Variants in ORC5 observed in about 807,000 individuals in gnomAD.
ORC5 encodes protein phosphatase 1, regulatory subunit 117.
Under a neutral mutation model 58.8 loss-of-function variants are expected in ORC5, and 39 were observed. The observed-to-expected ratio is 0.66, with a 90% CI of 0.51 to 0.87. The LOEUF (loss-of-function observed/expected upper bound fraction) is 0.87. ORC5 is among the 40% of genes least tolerant of loss of function. ORC5 has a pLI of 0.00. For synonymous variants in ORC5, 218 were observed against 177.6 expected (o/e 1.23, Z -1.81); for missense variants, 493 against 506.3 (o/e 0.97, Z 0.25).
At chr7:104,186,173 CAT>C (rs1186983465) in intron 6 of ORC5, among the ~76,000 whole-genome samples, 1 of 151,152 alleles carries the variant, frequency 6.6e-6, no homozygotes, top group Admixed American at 6.6e-5. Context: ...CCTTGAACGA[CAT>C]AGGTTTGAAC....
Position 104,195,149 on chromosome 7 carries a change from T to C in ORC5, c.547A>G (p.Ser183Gly). 4 of 1,531,056 alleles carry C rather than the reference T, an allele frequency of 2.6e-6. No individual in the cohort carries two copies. The highest frequency in any genetic ancestry group is 2.5e-5 in the South Asian group (2 of 79,750). 94.8% of individuals were successfully genotyped at this position (1,531,056 alleles called of 1,614,324 possible). ...EPFVLYFPDY[S>G]IGNLQKILSH... ...ACAATGTTTTAAGGTTTACCTATGC[T>C]GTAATCAGGGAAATATAAGACAAAC... The change falls in exon 5 of 14, where the codon AGC becomes GGC. Residue 183 changes from serine (S) to glycine (G), a missense_variant. By Grantham distance (56) the Ser-to-Gly change is moderately conservative. Transcript: ENST00000297431.
chr7:104,139,671 T>A (rs17324209), intron 12 of ORC5, among the ~76,000 whole-genome samples: 25,833 of 152,014 alleles, frequency 0.17, 2,598 homozygotes, highest in Non-Finnish European at 0.22. Flanking sequence ...GCTAAGACTT[T>A]AATTTCTAAT....
intron 6 of ORC5, among the ~76,000 whole-genome samples, chr7:104,186,796 C>G (rs552562993): frequency 6.0e-4 from 92 of 152,182 alleles, no homozygotes; most frequent in African/African-American, 2.1e-3. Context: ...CTATTTTTCT[C>G]TAATGTTTAA....
chr7:104,150,909 G>C (rs1294973521), intron 12 of ORC5, among the ~76,000 whole-genome samples: 4 of 152,168 alleles, frequency 2.6e-5, no homozygotes, highest in Non-Finnish European at 5.9e-5. Context: ...ATAATTATCT[G>C]ACTATAGAGA....
At chr7:104,131,367 C>G (rs1203103040) in intron 13 of ORC5, among the ~76,000 whole-genome samples, 1 of 152,180 alleles carries the variant, frequency 6.6e-6, no homozygotes, top group Admixed American at 6.5e-5. Context: ...ACAGCTCTTG[C>G]AACTCAAATT....
rs772416964 is a variant in ORC5, at chr7:104,126,799, G to A, written c.*49C>T. The A allele has an allele frequency of 5.6e-6, 8 of 1,419,912 alleles. No homozygotes were observed. The highest frequency in any genetic ancestry group is 7.9e-6 in the Non-Finnish European group (8 of 1,014,050). 88.0% of individuals were successfully genotyped at this position (1,419,912 alleles called of 1,614,324 possible). On this transcript the variant is annotated 3_prime_UTR_variant, in exon 14 of 14. Coordinates refer to ENST00000297431, the MANE Select transcript of ORC5 (RefSeq NM_002553.4). ...CCAGCTAAGTAGCTGGATGAACACA[G>A]CTTGGCTTAGTCATTGTCACAGTGT...
intron 9 of ORC5, chr7:104,168,209 A>G (rs1799140141): frequency 1.1e-6 from 1 of 922,340 alleles, no homozygotes; most frequent in Non-Finnish European, 1.4e-6. Flanking sequence ...AAAAGCATTT[A>G]AAGAAATAGA....
At chr7:104,137,973 G>A (rs1298954642) in intron 12 of ORC5, among the ~76,000 whole-genome samples, 2 of 152,156 alleles carry the variant, frequency 1.3e-5, no homozygotes, top group African/African-American at 2.4e-5. Context: ...AAAACTAAAA[G>A]AGCACACTGT....
At chr7:104,143,242 C>G (rs1014667756) in intron 12 of ORC5, among the ~76,000 whole-genome samples, 8 of 152,036 alleles carry the variant, frequency 5.3e-5, no homozygotes, top group African/African-American at 1.9e-4. Flanking sequence ...CTGATACTTT[C>G]CTGTTAATTC....
rs548956143 is a variant in ORC5, at chr7:104,132,948, A to C, written c.1262+3833T>G. ...CAGTTAGCTAGGTGAAGGAGAAAAG[A>C]AGCTGGAAAATGCTGTATATACAAG... is the stretch of plus-strand genomic sequence containing the variant. On this transcript the variant is annotated intron_variant, in intron 13 of 13. Coordinates refer to ENST00000297431, the MANE Select transcript of ORC5 (RefSeq NM_002553.4). Among the ~76,000 whole-genome samples the C allele has an allele frequency of 3.3e-5, 5 of 152,256 alleles. No homozygotes were observed. In the South Asian group the frequency reaches 1.0e-3, roughly 32 times the overall value.
intron 6 of ORC5, among the ~76,000 whole-genome samples, chr7:104,186,037 G>A (rs772982823): frequency 1.2e-4 from 18 of 152,006 alleles, no homozygotes; most frequent in Middle Eastern, 6.8e-3. Context: ...GAAATTATTC[G>A]CTTTAGCCAA....
Position 104,208,000 on chromosome 7 carries a change from C to A in ORC5, c.-96G>T, listed in dbSNP as rs917858352. 1.7e-6 allele frequency: 2 copies of A among 1,190,834 alleles called. No individual in the cohort carries two copies. The highest frequency in any genetic ancestry group is 3.1e-5 in the African/African-American group (2 of 65,490). The allele number at this position is 1,190,834 out of a possible 1,614,324, so 73.8% of individuals were successfully genotyped here. On this transcript the variant is annotated 5_prime_UTR_variant, in exon 1 of 14. Transcript: ENST00000297431. ...CGAGTCTGGCGGCCCACGCTCCCGC[C>A]GGAAACCGGACCCGCAGCGTCGTGG...
chr7:104,145,786 T>G (rs1177741837), intron 12 of ORC5, among the ~76,000 whole-genome samples: 24 of 152,052 alleles, frequency 1.6e-4, no homozygotes, highest in Admixed American at 1.4e-3. Context: ...GTGCGAGTCT[T>G]AGAATTCCCC....
At chr7:104,161,255 C>T (rs1799017376) in intron 11 of ORC5, 73 bp from the exon 12 acceptor site, 1 of 781,344 alleles carries the variant, frequency 1.3e-6, no homozygotes, top group South Asian at 1.5e-5. Context: ...TACAAAACTG[C>T]CAGTAACAAT....
At chr7:104,147,923 T>C (rs1307251139) in intron 12 of ORC5, among the ~76,000 whole-genome samples, 1 of 152,318 alleles carries the variant, frequency 6.6e-6, no homozygotes, top group East Asian at 1.9e-4. Context: ...TCTTTCAAAA[T>C]TCCTGAGAAT....
chr7:104,168,618 T>C (rs1315104247), intron 8 of ORC5, 93 bp from the exon 9 acceptor site: 1 of 623,064 alleles, frequency 1.6e-6, no homozygotes, highest in Non-Finnish European at 2.6e-6. Flanking sequence ...TAAATTTTTT[T>C]ATTTATTAAC....
chr7:104,184,390 G>A, intron 6 of ORC5: 1 of 514,062 alleles, frequency 1.9e-6, no homozygotes, highest in South Asian at 2.6e-5. Flanking sequence ...CAAGCCTGTA[G>A]TGTGCTGTGA....
intron 13 of ORC5, among the ~76,000 whole-genome samples, chr7:104,127,747 T>C (rs1479007577): frequency 1.3e-5 from 2 of 152,218 alleles, no homozygotes; most frequent in African/African-American, 2.4e-5. Flanking sequence ...TGCAATATAC[T>C]TTCTAAAAAA....
intron 12 of ORC5, among the ~76,000 whole-genome samples, chr7:104,146,753 C>A (rs1798758854): frequency 6.6e-6 from 1 of 152,094 alleles, no homozygotes. Flanking sequence ...AAACTATGCA[C>A]AGGATAAAAT....
Sources: allele counts gnomAD v4.1 joint callset (sites outside exome capture counted in the v4.1 genomes callset), GRCh38; gene constraint gnomAD v4.1.1; transcripts MANE v1.5; gene names NCBI Gene and HGNC (gene_info 2026-07-23, HGNC 2026-07-21).